The following PDE2A variants were observed in gnomAD, a reference collection of about 807,000 sequenced individuals.
PDE2A encodes the protein phosphodiesterase 2A.
PDE2A carries 53 observed loss-of-function variants against 133.6 expected under a neutral mutation model. The ratio of observed to expected loss-of-function variants is 0.40; its 90% CI spans 0.32 to 0.50. The LOEUF is 0.50. PDE2A is among the 20% of genes least tolerant of loss of function. PDE2A has a pLI of 0.73. For missense variants in PDE2A, 796 were observed against 1,232.4 expected (o/e 0.65, Z 5.30); for synonymous variants, 491 against 490.2 (o/e 1.00, Z -0.02).
intron 4 of PDE2A, among the ~76,000 whole-genome samples, chr11:72,603,288 CTTT>C (rs33965768): frequency 2.0e-5 from 3 of 151,196 alleles, no homozygotes; most frequent in South Asian, 4.2e-4. Flanking sequence ...CTTTTAATTG[CTTT>C]TTTTTTTGGT....
chr11:72,638,125 G>T (rs1858785082), intron 2 of PDE2A, among the ~76,000 whole-genome samples: 1 of 151,662 alleles, frequency 6.6e-6, no homozygotes, highest in South Asian at 2.1e-4. Flanking sequence ...ATGGTGCTAG[G>T]ACCAGAGCCC....
intron 1 of PDE2A, among the ~76,000 whole-genome samples, chr11:72,653,960 A>G (rs1056910544): frequency 2.6e-5 from 4 of 152,232 alleles, no homozygotes; most frequent in African/African-American, 9.6e-5. Flanking sequence ...ATCCCAGTCC[A>G]GAGATCCTTG....
At chr11:72,630,966 T>C in intron 2 of PDE2A, 1 of 821,474 alleles carries the variant, frequency 1.2e-6, no homozygotes, top group East Asian at 2.7e-5. Flanking sequence ...GGGGCTGGGA[T>C]GTGACTCCAG....
At position 72,579,381 on chromosome 11, in the gene PDE2A, G is replaced by C. The variant is rs1275633040; in HGVS notation, c.2259C>G (p.Asp753Glu). 1.9e-6 allele frequency: 3 copies of C among 1,613,120 alleles called. No homozygotes were observed. The South Asian group carries it at 3.3e-5, about 18-fold the overall frequency. ...GCATCAGATCCAGCATGCGCTGATA[G>C]TCCTGAGGCGAGGGCAGGGGTGTCA... is the stretch of plus-strand genomic sequence containing the variant. Reference protein sequence around the residue: ...CNIFDHFSRKDYQRMLDLMRD... With the variant: ...CNIFDHFSRKEYQRMLDLMRD... Residue 753 changes from aspartate to glutamate, a missense_variant and splice_region_variant, in exon 27 of 31, where the codon GAC becomes GAG. Transcript: ENST00000334456.
chr11:72,617,442 T>C (rs1857529427), intron 2 of PDE2A, among the ~76,000 whole-genome samples: 1 of 152,182 alleles, frequency 6.6e-6, no homozygotes, highest in African/African-American at 2.4e-5. Flanking sequence ...CAGCGTGTTT[T>C]CTCCCTGCCT....
At chr11:72,638,501 ACAGAACCAGGCGCC>A (rs1858804293) in intron 2 of PDE2A, among the ~76,000 whole-genome samples, 3 of 152,142 alleles carry the variant, frequency 2.0e-5, no homozygotes, top group African/African-American at 7.2e-5. Context: ...GCGGAGCCCC[ACAGAACCAGGCGCC>A]CCAGACTGGG....
Position 72,578,418 on chromosome 11 carries a change from T to TGCCCCAGGCCAGGAACCCTCCCC in PDE2A, c.2508+57_2508+58insGGGGAGGGTTCCTGGCCTGGGGC. 6.3e-7 allele frequency: 1 copy of TGCCCCAGGCCAGGAACCCTCCCC among 1,584,944 alleles called. No homozygotes were observed. The highest frequency in any genetic ancestry group is 2.2e-5 in the East Asian group (1 of 44,740). On this transcript the variant is annotated intron_variant, in intron 29 of 30. Transcript: ENST00000334456. The surrounding 1 kb of genome is among the most constrained non-coding windows in gnomAD (Gnocchi z 4.2). Reference sequence around the variant, plus strand: ...GGGTCAGGCTAGTTCAAGCCCTCCCTGTCCCAGGCCAGGAACCCTCCCCCA... The same window carrying TGCCCCAGGCCAGGAACCCTCCCC: ...GGGTCAGGCTAGTTCAAGCCCTCCCTGCCCCAGGCCAGGAACCCTCCCCGTCCCAGGCCAGGAACCCTCCCCCA...
intron 6 of PDE2A, among the ~76,000 whole-genome samples, chr11:72,592,475 G>A (rs1449770538): frequency 6.6e-6 from 1 of 152,178 alleles, no homozygotes; most frequent in East Asian, 1.9e-4. Flanking sequence ...GAGGAGGTGT[G>A]GAGCCTCATA....
In PDE2A at chr11:72,585,400, C is replaced by T. The variant is rs376835526; in HGVS notation, c.1257G>A (p.Thr419=). 28 of 1,613,988 alleles carry T rather than the reference C, an allele frequency of 1.7e-5. No individual in the cohort carries two copies. The African/African-American group carries it at 3.3e-4, about 19-fold the overall frequency. ...DVSVLLQEII[T]EARNLSNAEI... The stretch of plus-strand genomic sequence containing the variant: ...CTGCGTTGCTGAGGTTTCTGGCCTC[C>T]GTGATGATCTCCTGGAGCAGGACAG... Residue 419 remains threonine, a synonymous_variant, in exon 16 of 31, where the codon ACG becomes ACA. Coordinates refer to ENST00000334456, the MANE Select transcript of PDE2A (RefSeq NM_002599.5).
intron 2 of PDE2A, among the ~76,000 whole-genome samples, chr11:72,635,734 A>C (rs538529100): frequency 6.6e-6 from 1 of 152,356 alleles, no homozygotes; most frequent in South Asian, 2.1e-4. Context: ...GGTCTTGTGC[A>C]AGAATACCCG....
intron 19 of PDE2A, 32 bp downstream of exon 19, chr11:72,584,169 A>ACCCCCC: frequency 1.1e-6 from 1 of 877,938 alleles, no homozygotes; most frequent in Non-Finnish European, 1.8e-6. Context: ...GCCCCCTATC[A>ACCCCCC]CCCCACACCC....
chr11:72,595,637 G>T (rs1486981194), intron 6 of PDE2A, among the ~76,000 whole-genome samples: 1 of 152,010 alleles, frequency 6.6e-6, no homozygotes, highest in Non-Finnish European at 1.5e-5. Context: ...CTGGAGAGGA[G>T]TCCCCGGGGA....
In PDE2A at chr11:72,590,261, C is replaced by G. The variant is rs1252438003; in HGVS notation, c.704-17G>C. On this transcript the variant is annotated splice_polypyrimidine_tract_variant and intron_variant, in intron 8 of 30. Transcript: ENST00000334456. The surrounding 1 kb of genome is among the most constrained non-coding windows in gnomAD (Gnocchi z 4.8). ...AGAGTTCCCCTGCAAGGGCCAGGCG[C>G]CGGTCAGAGAGAGGGCCCCTCCGCA... is the stretch of plus-strand genomic sequence containing the variant. 1 of 1,551,202 alleles carries G rather than the reference C, an allele frequency of 6.4e-7. No individual in the cohort carries two copies. The highest frequency in any genetic ancestry group is 8.7e-7 in the Non-Finnish European group (1 of 1,146,734).
intron 1 of PDE2A, among the ~76,000 whole-genome samples, chr11:72,657,058 C>T (rs114552806): frequency 9.8e-4 from 150 of 152,286 alleles, no homozygotes; most frequent in African/African-American, 3.6e-3. Context: ...CACGCTGCTT[C>T]ATCTCTGACC....
chr11:72,615,053 G>A (rs371595598), intron 2 of PDE2A: 13 of 463,528 alleles, frequency 2.8e-5, no homozygotes, highest in Non-Finnish European at 5.8e-5. Context: ...CGCAGACTCC[G>A]GCTTCAGTTG....
intron 13 of PDE2A, among the ~76,000 whole-genome samples, chr11:72,586,473 C>T (rs1855979876): frequency 6.8e-6 from 1 of 148,102 alleles, no homozygotes; most frequent in African/African-American, 2.7e-5. Context: ...TAGAGATTGC[C>T]TGGGCTCAAG....
At chr11:72,644,907 C>T (rs1859089982) in intron 1 of PDE2A, among the ~76,000 whole-genome samples, 1 of 152,176 alleles carries the variant, frequency 6.6e-6, no homozygotes, top group African/African-American at 2.4e-5. Flanking sequence ...CAGGCATGCA[C>T]CACCATGCCC....
At chr11:72,608,156 C>A (rs767153113) in intron 3 of PDE2A, among the ~76,000 whole-genome samples, 5 of 152,184 alleles carry the variant, frequency 3.3e-5, no homozygotes, top group African/African-American at 7.2e-5. Context: ...AGAAAGAAAG[C>A]TGCTAAAAGG....
At chr11:72,612,831 T>C (rs1395767899) in intron 2 of PDE2A, among the ~76,000 whole-genome samples, 1 of 152,100 alleles carries the variant, frequency 6.6e-6, no homozygotes, top group Non-Finnish European at 1.5e-5. Flanking sequence ...ACAGCACCAT[T>C]ACCACGGACT....
Sources: allele counts gnomAD v4.1 joint callset (sites outside exome capture counted in the v4.1 genomes callset), GRCh38; gene constraint gnomAD v4.1.1; non-coding constraint Gnocchi (gnomAD v3.1); transcripts MANE v1.5; gene names NCBI Gene and HGNC (gene_info 2026-07-23, HGNC 2026-07-21).